The following SEMA3A variants were observed in gnomAD, a reference collection of about 807,000 sequenced individuals.
The protein encoded by SEMA3A is semaphorin-3A.
Under a neutral mutation model 97.9 loss-of-function variants are expected in SEMA3A, and 29 were observed. The ratio of observed to expected loss-of-function variants is 0.30; its 90% CI spans 0.22 to 0.40. The LOEUF is 0.40. Among genes scored for constraint, SEMA3A ranks in the 10% least tolerant of loss-of-function variants. SEMA3A has a pLI of 1.00. For missense variants in SEMA3A, 763 were observed against 951.3 expected (o/e 0.80, Z 2.60); for synonymous variants, 321 against 323.7 (o/e 0.99, Z 0.09).
intron 1 of SEMA3A, among the ~76,000 whole-genome samples, chr7:84,390,011 A>G (rs1408395998): frequency 2.0e-5 from 3 of 152,170 alleles, no homozygotes; most frequent in African/African-American, 7.2e-5. Context: ...AAAGAAAGCT[A>G]TCTAATTTCT....
chr7:84,138,724 C>T (rs1210238104), intron 1 of SEMA3A, among the ~76,000 whole-genome samples: 1 of 152,082 alleles, frequency 6.6e-6, no homozygotes, highest in Non-Finnish European at 1.5e-5. Flanking sequence ...ACTCCAAATC[C>T]TTTAGATGTT....
Position 83,961,677 on chromosome 7 carries a change from T to C in SEMA3A, c.2010A>G (p.Thr670=), listed in dbSNP as rs1788476927. 3 of 1,613,882 alleles carry C rather than the reference T, an allele frequency of 1.9e-6. No individual in the cohort carries two copies. The highest frequency in any genetic ancestry group is 1.6e-4 in the Middle Eastern group (1 of 6,062). The part of the protein sequence containing the change: ...LLKVTLEVID[T]EHLEELLHKD... ...TATGAAGAAGTTCTTCCAAATGCTC[T>C]GTGTCAATGACTTCCAGGGTTACCT... Residue 670 remains threonine, a synonymous_variant, in exon 17 of 17, where the codon ACA becomes ACG. Transcript: ENST00000265362.
chr7:84,268,577 G>T (rs189096032), intron 3 of SEMA3A, among the ~76,000 whole-genome samples: 2 of 152,016 alleles, frequency 1.3e-5, no homozygotes, highest in African/African-American at 4.8e-5. Flanking sequence ...TTGGCTTCGT[G>T]TAACTTCAAT....
At chr7:84,204,786 C>A (rs1199998236) in intron 3 of SEMA3A, among the ~76,000 whole-genome samples, 2 of 152,140 alleles carry the variant, frequency 1.3e-5, no homozygotes, top group Non-Finnish European at 2.9e-5. Flanking sequence ...CAGTAGTAAG[C>A]AGAGAAACCA....
At chr7:84,387,312 G>A (rs1803423545) in intron 1 of SEMA3A, among the ~76,000 whole-genome samples, 1 of 152,062 alleles carries the variant, frequency 6.6e-6, no homozygotes. Context: ...AGATAATAAA[G>A]CCACACTTGT....
At chr7:84,222,095 G>C (rs563606159) in intron 3 of SEMA3A, among the ~76,000 whole-genome samples, 1 of 151,864 alleles carries the variant, frequency 6.6e-6, no homozygotes, top group African/African-American at 2.4e-5. Flanking sequence ...TTATACCTCT[G>C]AGAGACTTCT....
At chr7:84,287,579 ATTTG>A (rs1444870390) in intron 3 of SEMA3A, among the ~76,000 whole-genome samples, 1 of 152,146 alleles carries the variant, frequency 6.6e-6, no homozygotes, top group African/African-American at 2.4e-5. Context: ...ACTTCATTCA[ATTTG>A]TTTAATTTTT....
chr7:84,084,370 T>C lies in SEMA3A; in HGVS notation c.454-23812A>G, dbSNP rs1474735910. ...TATTTATATTTTGTTTGAAAATAAT[T>C]ACGAAATATAGCAGGGGTGATAAAA... On this transcript the variant is annotated intron_variant, in intron 4 of 16. Coordinates refer to ENST00000265362, the MANE Select transcript of SEMA3A (RefSeq NM_006080.3). Among the ~76,000 whole-genome samples, 3 of 152,006 alleles carry C rather than the reference T, an allele frequency of 2.0e-5. 1 individual carries two copies. The highest frequency in any genetic ancestry group is 4.4e-5 in the Non-Finnish European group (3 of 67,914).
Position 83,961,242 on chromosome 7 carries a change from A to T in SEMA3A, c.*129T>A. 1.3e-6 allele frequency: 1 copy of T among 756,472 alleles called. No individual in the cohort carries two copies. The highest frequency in any genetic ancestry group is 1.7e-5 in the South Asian group (1 of 58,198). 46.9% of individuals were successfully genotyped at this position (756,472 alleles called of 1,614,324 possible). On this transcript the variant is annotated 3_prime_UTR_variant, in exon 17 of 17. Coordinates refer to ENST00000265362, the MANE Select transcript of SEMA3A (RefSeq NM_006080.3). ...ATTTAATTTATAATTGGTGGAACTC[A>T]GCTGAATTTCCCACCATTGTAAACA...
At chr7:84,231,322 A>G (rs1024404957) in intron 3 of SEMA3A, among the ~76,000 whole-genome samples, 1 of 151,904 alleles carries the variant, frequency 6.6e-6, no homozygotes, top group Non-Finnish European at 1.5e-5. Flanking sequence ...GCCCACAGGG[A>G]ATAAGTGTAG....
chr7:84,021,114 T>C (rs1402066347), intron 6 of SEMA3A, among the ~76,000 whole-genome samples: 3 of 152,192 alleles, frequency 2.0e-5, no homozygotes, highest in Non-Finnish European at 2.9e-5. Context: ...TGGGAAACCT[T>C]GTCAGTTACA....
chr7:84,298,893 C>G (rs1800930050), intron 3 of SEMA3A, among the ~76,000 whole-genome samples: 1 of 152,074 alleles, frequency 6.6e-6, no homozygotes, highest in Non-Finnish European at 1.5e-5. Context: ...TAGAATAAAG[C>G]AGGCAGGAGA....
chr7:84,347,983 A>G (rs1802342619), intron 2 of SEMA3A, among the ~76,000 whole-genome samples: 1 of 152,076 alleles, frequency 6.6e-6, no homozygotes, highest in Admixed American at 6.6e-5. Context: ...AAATTGGTAA[A>G]TTTTATTGTA....
At chr7:84,179,688 G>C (rs1034148341) in intron 1 of SEMA3A, among the ~76,000 whole-genome samples, 1 of 151,986 alleles carries the variant, frequency 6.6e-6, no homozygotes, top group Non-Finnish European at 1.5e-5. Flanking sequence ...TTATTACAAT[G>C]ATTGCTGCAC....
At chr7:84,228,534 A>G (rs1464919532) in intron 3 of SEMA3A, among the ~76,000 whole-genome samples, 1 of 152,162 alleles carries the variant, frequency 6.6e-6, no homozygotes, top group Non-Finnish European at 1.5e-5. Flanking sequence ...TCATGTATAT[A>G]TACTTCAAAC....
At chr7:84,324,824 C>T (rs1201729113) in intron 2 of SEMA3A, among the ~76,000 whole-genome samples, 2 of 151,988 alleles carry the variant, frequency 1.3e-5, no homozygotes, top group South Asian at 2.1e-4. Context: ...ACAGTATAAT[C>T]ATTAATCATA....
intron 3 of SEMA3A, among the ~76,000 whole-genome samples, chr7:84,228,291 C>T (rs1472964833): frequency 3.3e-5 from 5 of 151,950 alleles, no homozygotes; most frequent in Non-Finnish European, 1.5e-5. Context: ...TTAGTGGGAC[C>T]TTAAGGAGGC....
chr7:83,969,972 C>G (rs1338327570), intron 15 of SEMA3A, among the ~76,000 whole-genome samples: 1 of 152,166 alleles, frequency 6.6e-6, no homozygotes, highest in Non-Finnish European at 1.5e-5. Context: ...AAATTTCACA[C>G]TTAGAAAGCA....
chr7:84,196,345 G>GCTCTGCTTTCTCTCTCTCT (rs1562846760), upstream of SEMA3A, among the ~76,000 whole-genome samples: 3 of 142,920 alleles, frequency 2.1e-5, no homozygotes, highest in Non-Finnish European at 4.5e-5. Context: ...GCGCTCGCTC[G>GCTCTGCTTTCTCTCTCTCT]CTCTGCTTTC....
Sources: allele counts gnomAD v4.1 joint callset (sites outside exome capture counted in the v4.1 genomes callset), GRCh38; gene constraint gnomAD v4.1.1; transcripts MANE v1.5; gene names NCBI Gene and HGNC (gene_info 2026-07-23, HGNC 2026-07-21).